The following TOX2 variants were observed in gnomAD, a reference collection of about 807,000 sequenced individuals.
TOX2 encodes TOX high mobility group box family member 2.
Under a neutral mutation model 47.4 loss-of-function variants are expected in TOX2, and 15 were observed. The observed-to-expected ratio is 0.32, with a 90% confidence interval of 0.21 to 0.49. The LOEUF (loss-of-function observed/expected upper bound fraction) is 0.49. TOX2 is among the 20% of genes least tolerant of loss of function. TOX2 has a pLI of 0.99. For synonymous variants in TOX2, 290 were observed against 296.6 expected (o/e 0.98, Z 0.23); for missense variants, 622 against 673.1 (o/e 0.92, Z 0.84).
At chr20:43,950,661 C>T (rs762051786) in intron 1 of TOX2, among the ~76,000 whole-genome samples, 14 of 152,152 alleles carry the variant, frequency 9.2e-5, no homozygotes, top group Non-Finnish European at 2.1e-4. Context: ...TCCACTATCA[C>T]TTCCTCAATG....
chr20:43,920,513 A>T (rs2069101963), intron 1 of TOX2, among the ~76,000 whole-genome samples: 1 of 152,146 alleles, frequency 6.6e-6, no homozygotes, highest in Admixed American at 6.5e-5. Flanking sequence ...AGGGAACGCT[A>T]GATGGATGTC....
At chr20:43,963,606 G>A (rs999067528) in intron 1 of TOX2, among the ~76,000 whole-genome samples, 1 of 152,178 alleles carries the variant, frequency 6.6e-6, no homozygotes, top group African/African-American at 2.4e-5. Context: ...CCGGGCCTCT[G>A]TGATGGGGAG....
chr20:44,038,238 A>T (rs2071270961), intron 3 of TOX2, among the ~76,000 whole-genome samples: 1 of 152,108 alleles, frequency 6.6e-6, no homozygotes, highest in Admixed American at 6.6e-5. Context: ...TCTACAAAAA[A>T]TATAAAAAAT....
rs2069048735 is a variant in TOX2, at chr20:43,915,755, C to T, written c.99+765C>T. 6.6e-6 allele frequency among the ~76,000 whole-genome samples: 1 copy of T among 152,262 alleles called. No individual in the cohort carries two copies. Among genetic ancestry groups the T allele is most frequent in the African/African-American group, 2.4e-5 (1 of 41,472 alleles). On this transcript the variant is annotated intron_variant, in intron 1 of 8. Coordinates refer to ENST00000341197, the MANE Select transcript of TOX2 (RefSeq NM_001098797.2). This position sits in a 1 kb window ranked among gnomAD's most constrained non-coding sequence, Gnocchi z 7.1. ...GGGGCCTCGGATTCCGAGTAGGCTG[C>T]GGCCAATCGAGGCCTGTGTCCTCCC...
intron 1 of TOX2, among the ~76,000 whole-genome samples, chr20:43,953,054 G>A (rs911530983): frequency 2.0e-5 from 3 of 151,952 alleles, no homozygotes; most frequent in South Asian, 2.1e-4. Context: ...CTGGGGTGAC[G>A]GCTATGAAGA....
intron 3 of TOX2, among the ~76,000 whole-genome samples, chr20:44,028,176 G>A (rs2145677457): frequency 6.6e-6 from 1 of 152,338 alleles, no homozygotes; most frequent in South Asian, 2.1e-4. Context: ...TGGGGAGCCA[G>A]GGAAGGCCTC....
chr20:43,920,090 C>T (rs561798182), intron 1 of TOX2, among the ~76,000 whole-genome samples: 2 of 152,246 alleles, frequency 1.3e-5, no homozygotes, highest in South Asian at 4.1e-4. Context: ...CCAAGGACCA[C>T]ACTTTGTGTA....
chr20:44,054,190 G>A (rs2071576578), intron 4 of TOX2, 109 bp from the exon 5 acceptor site: 7 of 1,174,698 alleles, frequency 6.0e-6, no homozygotes, highest in Non-Finnish European at 8.7e-6. Flanking sequence ...GTGGTTATCT[G>A]TGCATGAGCA....
In TOX2 at chr20:44,043,964, A is replaced by G. The variant is rs145823207; in HGVS notation, c.412-7342A>G. On this transcript the variant is annotated intron_variant, in intron 3 of 8. Coordinates refer to ENST00000341197, the MANE Select transcript of TOX2 (RefSeq NM_001098797.2). ...AGGATTATAAATCATGCTGCTATAA[A>G]GACACATGCACATGTATGTTTACTG... Among the ~76,000 whole-genome samples the G allele has an allele frequency of 4.6e-5, 7 of 152,372 alleles. No homozygotes were observed. In the East Asian group the frequency reaches 1.3e-3, roughly 29 times the overall value.
intron 2 of TOX2, among the ~76,000 whole-genome samples, chr20:43,998,276 A>G (rs2070513533): frequency 6.6e-6 from 1 of 152,228 alleles, no homozygotes; most frequent in Admixed American, 6.5e-5. Context: ...TCTGAGAATT[A>G]CAATTTGACA....
rs33946078 is a variant in TOX2 at position 43,976,773 on chromosome 20, A to AGC, written c.165+3350_165+3351dup. Among the ~76,000 whole-genome samples the AGC allele has an allele frequency of 1.6e-3, 229 of 139,106 alleles. 2 individuals are homozygous for AGC. The highest frequency in any genetic ancestry group is 5.6e-3 in the African/African-American group (186 of 33,030). 91.3% of individuals were successfully genotyped at this position (139,106 alleles called of 152,430 possible). A position where few individuals can be genotyped will look rare whatever the true frequency, so the allele number is the denominator to read the frequency against. On this transcript the variant is annotated intron_variant, in intron 2 of 8. Transcript: ENST00000341197. ...GAGTGCTTCTTGAACTCACAACGCG[A>AGC]GCGCGCGCGCACACACACACACACA...
chr20:44,031,030 A>C (rs2071142070), intron 3 of TOX2, among the ~76,000 whole-genome samples: 1 of 152,134 alleles, frequency 6.6e-6, no homozygotes, highest in African/African-American at 2.4e-5. Flanking sequence ...TTTTGATGGA[A>C]GTGGGTGTGA....
chr20:43,995,353 C>T (rs767080421), intron 2 of TOX2, among the ~76,000 whole-genome samples: 5 of 152,086 alleles, frequency 3.3e-5, no homozygotes, highest in African/African-American at 7.2e-5. Context: ...TTTCATTCCC[C>T]GCAGAATTCA....
At position 43,951,707 on chromosome 20, in the gene TOX2, G is replaced by GGTTTTTT. The variant is rs745489872; in HGVS notation, c.100-21660_100-21659insGTTTTTT. On this transcript the variant is annotated intron_variant, in intron 1 of 8. Coordinates refer to ENST00000341197, the MANE Select transcript of TOX2 (RefSeq NM_001098797.2). ...TGACCATTACTATTAAACTTATTAT[G>GGTTTTTT]TTTTTTTTTTTTTTTTTTTTTAGAG... is the stretch of plus-strand genomic sequence containing the variant. 3.5e-3 allele frequency among the ~76,000 whole-genome samples: 191 copies of GGTTTTTT among 55,102 alleles called. 11 individuals carry two copies. The highest frequency in any genetic ancestry group is 9.5e-3 in the African/African-American group (175 of 18,518). 36.1% of individuals were successfully genotyped at this position (55,102 alleles called of 152,430 possible).
At chr20:44,053,203 C>A (rs1197985440) in intron 4 of TOX2, among the ~76,000 whole-genome samples, 1 of 152,148 alleles carries the variant, frequency 6.6e-6, no homozygotes, top group African/African-American at 2.4e-5. Context: ...ATCCTGGAAG[C>A]CCTAAGTCAA....
intron 5 of TOX2, among the ~76,000 whole-genome samples, chr20:44,062,145 C>G (rs1226057449): frequency 6.6e-6 from 1 of 151,766 alleles, no homozygotes; most frequent in Non-Finnish European, 1.5e-5. Flanking sequence ...AAATAAAGGG[C>G]ACCAAATCAG....
chr20:43,973,514 G>A, intron 2 of TOX2, 82 bp downstream of exon 2: 8 of 1,269,722 alleles, frequency 6.3e-6, no homozygotes, highest in East Asian at 2.3e-5. Context: ...GAGGTAGGGG[G>A]TGCAGAATGG....
At chr20:44,020,251 A>G (rs560242525) in intron 3 of TOX2, among the ~76,000 whole-genome samples, 35 of 152,274 alleles carry the variant, frequency 2.3e-4, no homozygotes, top group African/African-American at 7.0e-4. Flanking sequence ...TGAATCAGTC[A>G]TGGGTCACAG....
chr20:43,961,700 G>A (rs1276100280), intron 1 of TOX2, among the ~76,000 whole-genome samples: 1 of 152,140 alleles, frequency 6.6e-6, no homozygotes, highest in Admixed American at 6.5e-5. Context: ...GAGCCAGACT[G>A]TGGGTCCCTA....
Sources: gnomAD v4.1 joint callset for allele counts (sites outside exome capture counted in the v4.1 genomes callset) on GRCh38, gnomAD v4.1.1 for gene constraint, Gnocchi (gnomAD v3.1) non-coding constraint, MANE v1.5 for transcripts, NCBI Gene and HGNC (gene_info 2026-07-23, HGNC 2026-07-21) for gene names.